Variants in GJC1 observed in about 807,000 individuals in gnomAD.
GJC1 encodes the protein gap junction gamma-1 protein.
A neutral mutation model predicts 29.3 loss-of-function variants in GJC1; 5 were observed. That is an observed-to-expected ratio of 0.17 (90% CI 0.09 to 0.36). GJC1 has a LOEUF of 0.36. Ranked by LOEUF, GJC1 falls within the 10% of genes least tolerant of loss-of-function variation. The probability of loss-of-function intolerance (pLI) is 1.00; values close to 1 mark genes in which losing one functional copy is unlikely to be tolerated. For missense variants in GJC1, 310 were observed against 496.2 expected (o/e 0.62, Z 3.56); for synonymous variants, 177 against 183.3 (o/e 0.97, Z 0.28).
chr17:44,824,671 G>A (rs950455632), intron 1 of GJC1, among the ~76,000 whole-genome samples: 4 of 151,856 alleles, frequency 2.6e-5, no homozygotes, highest in South Asian at 2.1e-4. Context: ...TTAGCCAGGC[G>A]TGGCAGCATG....
intron 1 of GJC1, among the ~76,000 whole-genome samples, chr17:44,822,649 A>T (rs2050126156): frequency 6.7e-6 from 1 of 150,294 alleles, no homozygotes; most frequent in African/African-American, 2.4e-5. Context: ...ATCTCAAAAA[A>T]AAAAAAAAAA....
rs2049830548 is a variant in GJC1, at chr17:44,800,439, GA to G, written c.*4187del. ...TTTGATTTTTAAAAAGGCGTTTCTTGAAGTACCTTATTAAACATTTGATTTG... is the reference window on the plus strand; with the variant it reads ...TTTGATTTTTAAAAAGGCGTTTCTTGAGTACCTTATTAAACATTTGATTTG... On this transcript the variant is annotated 3_prime_UTR_variant, in exon 3 of 3. Transcript: ENST00000592524. 6.6e-6 allele frequency: 1 copy of G among 152,126 alleles called. No individual in the cohort carries two copies. The highest frequency in any genetic ancestry group is 2.4e-5 in the African/African-American group (1 of 41,426). The allele number at this position is 152,126 out of a possible 1,614,324, so 9.4% of individuals were successfully genotyped here. A position where few individuals can be genotyped will look rare whatever the true frequency, so the allele number is the denominator to read the frequency against.
At chr17:44,823,355 G>C (rs1430227008) in intron 1 of GJC1, among the ~76,000 whole-genome samples, 3 of 148,992 alleles carry the variant, frequency 2.0e-5, no homozygotes, top group Non-Finnish European at 4.4e-5. Flanking sequence ...GGGTTCAAGT[G>C]ATTCTCCTGT....
chr17:44,804,765 C>T lies in GJC1; in HGVS notation c.1053G>A (p.Leu351=). ...EIRMAQERLD[L]AVQAYSHQNN... Reference sequence around the variant, plus strand: ...TTTGGTGACTGTAGGCCTGAACTGCCAGATCCAAGCGTTCCTGAGCCATCC... The same window carrying T: ...TTTGGTGACTGTAGGCCTGAACTGCTAGATCCAAGCGTTCCTGAGCCATCC... The change falls in exon 3 of 3, where the codon CTG becomes CTA. Residue 351 remains leucine, a synonymous_variant. Transcript: ENST00000592524. 1 of 1,614,198 alleles carries T rather than the reference C, an allele frequency of 6.2e-7. No individual in the cohort carries two copies. Among genetic ancestry groups the T allele is most frequent in the Non-Finnish European group, 8.5e-7 (1 of 1,180,036 alleles).
chr17:44,813,070 CCTTT>C (rs1475469784), intron 1 of GJC1: 2 of 151,818 alleles, frequency 1.3e-5, no homozygotes, highest in African/African-American at 4.8e-5. Context: ...TCCTTTCCTC[CCTTT>C]CTCTTTTTTT....
Position 44,802,874 on chromosome 17 carries a change from A to G in GJC1, c.*1753T>C, listed in dbSNP as rs1050973231. 1.3e-5 allele frequency: 2 copies of G among 152,120 alleles called. No homozygotes were observed. The highest frequency in any genetic ancestry group is 4.8e-5 in the African/African-American group (2 of 41,396). The allele number at this position is 152,120 out of a possible 1,614,324, so 9.4% of individuals were successfully genotyped here. A position where few individuals can be genotyped will look rare whatever the true frequency, so the allele number is the denominator to read the frequency against. On this transcript the variant is annotated 3_prime_UTR_variant, in exon 3 of 3. Coordinates refer to ENST00000592524, the MANE Select transcript of GJC1 (RefSeq NM_005497.4). ...CAGAATTAGCCGAGTATGGTGGCAC[A>G]TGCCTGTAGTCCCAGCTAATCAAGA...
intron 1 of GJC1, among the ~76,000 whole-genome samples, chr17:44,821,037 G>C (rs968527314): frequency 6.6e-6 from 1 of 152,200 alleles, no homozygotes; most frequent in Admixed American, 6.5e-5. Context: ...TGGAGAGTGA[G>C]TAGTTTGAGA....
intron 1 of GJC1, among the ~76,000 whole-genome samples, chr17:44,825,540 T>C (rs1037869170): frequency 3.3e-5 from 5 of 152,070 alleles, no homozygotes; most frequent in African/African-American, 9.7e-5. Flanking sequence ...CCCAGCACTT[T>C]GAGAGGCTGA....
chr17:44,821,849 A>G (rs1159104707), intron 1 of GJC1, among the ~76,000 whole-genome samples: 5 of 151,988 alleles, frequency 3.3e-5, no homozygotes, highest in African/African-American at 9.7e-5. Context: ...TTTGATCAAT[A>G]ATTCCACATT....
At chr17:44,806,052 T>C (rs2049909544) in intron 2 of GJC1, among the ~76,000 whole-genome samples, 1 of 152,040 alleles carries the variant, frequency 6.6e-6, no homozygotes, top group African/African-American at 2.4e-5. Context: ...GGCGGGCAGA[T>C]TAGTTGAGGT....
chr17:44,815,437 G>T, intron 1 of GJC1, among the ~76,000 whole-genome samples: 1 of 152,136 alleles, frequency 6.6e-6, no homozygotes, highest in African/African-American at 2.4e-5. Context: ...ATGTAAATCT[G>T]CATGGTTTTT....
chr17:44,804,907 A>T lies in GJC1; in HGVS notation c.911T>A (p.Leu304Gln). ...VKPDQIQYTE[L>Q]SNAKIAYKQN... ...CTTGTAGGCGATCTTAGCATTGGAC[A>T]GTTCGGTGTACTGGATTTGATCTGG... The change falls in exon 3 of 3, where the codon CTG becomes CAG. Residue 304 changes from leucine to glutamine, a missense_variant. Leu to Gln is a moderately radical substitution (Grantham distance 113, BLOSUM62 -2). This residue lies in a region of GJC1 where 146 missense variants were observed against 165.0 expected (regional missense o/e 0.88). Transcript: ENST00000592524. 1 of 1,614,140 alleles carries T rather than the reference A, an allele frequency of 6.2e-7. No homozygotes were observed. Among genetic ancestry groups the T allele is most frequent in the Non-Finnish European group, 8.5e-7 (1 of 1,180,022 alleles).
chr17:44,817,260 T>C (rs1459760611), intron 1 of GJC1, among the ~76,000 whole-genome samples: 1 of 152,132 alleles, frequency 6.6e-6, no homozygotes, highest in East Asian at 1.9e-4. Context: ...AATCATCTAC[T>C]TATTAAGTAG....
Position 44,798,897 on chromosome 17 carries a change from C to T in GJC1, c.*5730G>A, listed in dbSNP as rs2049807488. On this transcript the variant is annotated 3_prime_UTR_variant, in exon 3 of 3. Coordinates refer to ENST00000592524, the MANE Select transcript of GJC1 (RefSeq NM_005497.4). Reference sequence around the variant, plus strand: ...TAGTACCTTTTTTATTTGAGTCTCACTCCATCACCCAAGCTGGAGTGCAGT... The same window carrying T: ...TAGTACCTTTTTTATTTGAGTCTCATTCCATCACCCAAGCTGGAGTGCAGT... The T allele has an allele frequency of 6.6e-6, 1 of 152,220 alleles. No homozygotes were observed. The highest frequency in any genetic ancestry group is 2.4e-5 in the African/African-American group (1 of 41,450). 9.4% of individuals were successfully genotyped at this position (152,220 alleles called of 1,614,324 possible).
chr17:44,808,587 C>T (rs1434189147), intron 1 of GJC1, among the ~76,000 whole-genome samples: 1 of 151,242 alleles, frequency 6.6e-6, no homozygotes, highest in Non-Finnish European at 1.5e-5. Flanking sequence ...TAGTCTTCAC[C>T]AAACAACAAC....
At chr17:44,814,925 G>C (rs1164637893) in intron 1 of GJC1, among the ~76,000 whole-genome samples, 1 of 151,482 alleles carries the variant, frequency 6.6e-6, no homozygotes, top group Non-Finnish European at 1.5e-5. Context: ...ATGGGTGAAA[G>C]AGCAAGACTC....
Position 44,809,734 on chromosome 17 carries a change from G to C in GJC1, c.-96-2265C>G, listed in dbSNP as rs150078321. ...TACAGGTATGCACCACCACGCCTGG[G>C]TAATTTTGTATTTTTAGTAGAGACG... is the stretch of plus-strand genomic sequence containing the variant. On this transcript the variant is annotated intron_variant, in intron 1 of 2. Coordinates refer to ENST00000592524, the MANE Select transcript of GJC1 (RefSeq NM_005497.4). Among the ~76,000 whole-genome samples the C allele has an allele frequency of 4.2e-3, 630 of 148,980 alleles. 2 individuals carry two copies. Among genetic ancestry groups the C allele is most frequent in the African/African-American group, 0.015 (591 of 40,360 alleles).
intron 1 of GJC1, among the ~76,000 whole-genome samples, chr17:44,816,073 A>C (rs2050039374): frequency 7.3e-6 from 1 of 136,568 alleles, no homozygotes; most frequent in African/African-American, 2.7e-5. Context: ...AGATCGTGCC[A>C]CTGCACTCCA....
At position 44,805,254 on chromosome 17, in the gene GJC1, C is replaced by T. The variant is rs754192929; in HGVS notation, c.564G>A (p.Glu188=). Residue 188 remains glutamate (E), a synonymous_variant, in exon 3 of 3, where the codon GAG becomes GAA. Coordinates refer to ENST00000592524, the MANE Select transcript of GJC1 (RefSeq NM_005497.4). The surrounding 1 kb of genome is among the most constrained non-coding windows in gnomAD (Gnocchi z 5.1). ...AATACTGCCCTATCAGAAAACCCAC[C>T]TCAAACACGGTCCTTGCCAGCAACT... The part of the protein sequence containing the change: ...VLQLLARTVF[E]VGFLIGQYFL... 12 of 1,614,062 alleles carry T rather than the reference C, an allele frequency of 7.4e-6. No homozygotes were observed. The Admixed American group carries it at 1.7e-4, about 22-fold the overall frequency.
Sources: gnomAD v4.1 joint callset for allele counts (sites outside exome capture counted in the v4.1 genomes callset) on GRCh38, gnomAD v4.1.1 for gene constraint, gnomAD v4.1.1 regional missense constraint, Gnocchi (gnomAD v3.1) non-coding constraint, MANE v1.5 for transcripts, NCBI Gene and HGNC (gene_info 2026-07-23, HGNC 2026-07-21) for gene names.